The following MTAP variants were observed in gnomAD, a reference collection of about 807,000 sequenced individuals.
MTAP encodes the protein S-methyl-5'-thioadenosine phosphorylase.
A neutral mutation model predicts 33.6 loss-of-function variants in MTAP; 33 were observed. The observed-to-expected ratio is 0.98, with a 90% CI of 0.74 to 1.31. The LOEUF is 1.31. Among genes scored for constraint, MTAP ranks in the 40% most tolerant of loss-of-function variants. The pLI is 0.00. For missense variants in MTAP, 367 were observed against 360.0 expected, an observed-to-expected ratio of 1.02 and a Z score of -0.16; for synonymous variants, 148 against 125.7, an observed-to-expected ratio of 1.18 and a Z score of -1.19.
chr9:21,930,805 A>G, intron 1 of MTAP: 1 of 701,858 alleles, frequency 1.4e-6, no homozygotes, highest in South Asian at 1.7e-5. Context: ...GTACAAAACA[A>G]CATCAGACAA....
intron 5 of MTAP, among the ~76,000 whole-genome samples, chr9:21,843,001 A>G (rs941513307): frequency 2.6e-5 from 4 of 152,234 alleles, no homozygotes; most frequent in Non-Finnish European, 4.4e-5. Flanking sequence ...CCAACTAAGT[A>G]TCTGCAGTCT....
chr9:21,901,652 T>TA (rs1301838857), intron 1 of MTAP, among the ~76,000 whole-genome samples: 5 of 152,172 alleles, frequency 3.3e-5, no homozygotes, highest in Admixed American at 2.0e-4. Context: ...ATGGAGTTTT[T>TA]AAAAAAGGTT....
intron 1 of MTAP, among the ~76,000 whole-genome samples, chr9:21,888,642 G>A (rs1442813434): frequency 8.6e-6 from 1 of 116,162 alleles, no homozygotes; most frequent in East Asian, 3.4e-4. Flanking sequence ...AGCTACTCCT[G>A]CTTGTTTTGG....
downstream of MTAP, chr9:21,932,386 A>G (rs1221926313): frequency 6.6e-6 from 1 of 152,248 alleles, no homozygotes; most frequent in African/African-American, 2.4e-5. Context: ...TAAGGTGTAG[A>G]TATAAACAGT....
downstream of MTAP, among the ~76,000 whole-genome samples, chr9:21,868,554 T>C (rs975397436): frequency 6.6e-5 from 10 of 152,198 alleles, no homozygotes; most frequent in African/African-American, 2.4e-4. Context: ...AACTCATCAG[T>C]TTAGGAGCCT....
intron 1 of MTAP, among the ~76,000 whole-genome samples, chr9:21,907,522 A>G: frequency 6.6e-6 from 1 of 152,242 alleles, no homozygotes; most frequent in East Asian, 1.9e-4. Flanking sequence ...GCACCACTGC[A>G]CTGCAGCCTG....
intron 1 of MTAP, chr9:21,803,077 A>G: frequency 5.4e-6 from 4 of 743,564 alleles, no homozygotes; most frequent in Non-Finnish European, 7.8e-6. Flanking sequence ...TGTAGGGCGT[A>G]GGCACCCCTT....
intron 1 of MTAP, among the ~76,000 whole-genome samples, chr9:21,915,002 T>TCTTTCCTTCCTTCCTC: frequency 5.5e-5 from 1 of 18,214 alleles, no homozygotes; most frequent in South Asian, 3.6e-3. Flanking sequence ...TTGTTTTCTT[T>TCTTTCCTTCCTTCCTC]CCTTCCTTCC....
At chr9:21,825,436 G>T (rs913542107) in intron 4 of MTAP, among the ~76,000 whole-genome samples, 1 of 152,146 alleles carries the variant, frequency 6.6e-6, no homozygotes, top group Non-Finnish European at 1.5e-5. Context: ...TCAGTTTTTT[G>T]GGGAATTTTA....
chr9:21,838,693 A>G (rs1325561340), intron 5 of MTAP, among the ~76,000 whole-genome samples: 1 of 152,248 alleles, frequency 6.6e-6, no homozygotes, highest in East Asian at 1.9e-4. Flanking sequence ...CAGTGGTGGT[A>G]TAAGGGGTGG....
chr9:21,826,248 A>C (rs1824796806), intron 4 of MTAP, among the ~76,000 whole-genome samples: 1 of 151,482 alleles, frequency 6.6e-6, no homozygotes. Context: ...GATATCTAGG[A>C]AGTTCTCTCT....
intron 1 of MTAP, chr9:21,894,002 C>G (rs1397026377): frequency 6.6e-6 from 1 of 151,186 alleles, no homozygotes; most frequent in Non-Finnish European, 1.5e-5. Context: ...AAATACTCAA[C>G]AAAATGCTAG....
exon 2 of MTAP, chr9:21,931,016 G>C (rs777632411): frequency 2.6e-6 from 2 of 763,362 alleles, no homozygotes; most frequent in African/African-American, 3.4e-5. Context: ...AGATGATCAA[G>C]TTCCAGATGA....
rs767340037 is a variant in MTAP, at chr9:21,854,638, T to C, written c.458T>C (p.Ile153Thr). 2.3e-5 allele frequency: 36 copies of C among 1,579,412 alleles called. No individual in the cohort carries two copies. Among genetic ancestry groups the C allele is most frequent in the Non-Finnish European group, 2.8e-5 (33 of 1,164,298 alleles). The change falls in exon 6 of 8, where the codon ATA (isoleucine) becomes ACA (threonine). Residue 153 changes from isoleucine to threonine, a missense_variant. Ile to Thr is a moderately conservative substitution (Grantham distance 89). Coordinates refer to ENST00000644715, the MANE Select transcript of MTAP (RefSeq NM_002451.4). ...PFCPKTREVLIETAKKLGLRC... is the reference protein window; with the variant it reads ...PFCPKTREVLTETAKKLGLRC... ...CTGGTTTTTCTTTTCTAGGTTCTTATAGAGACTGCTAAGAAGCTAGGACTC... is the reference window on the plus strand; with the variant it reads ...CTGGTTTTTCTTTTCTAGGTTCTTACAGAGACTGCTAAGAAGCTAGGACTC...
At chr9:21,933,372 G>A (rs940589253), downstream of MTAP, 6 of 152,240 alleles carry the variant, frequency 3.9e-5, no homozygotes, top group African/African-American at 1.4e-4. Context: ...AGAAAAGAAG[G>A]ACTAAATCAC....
intron 1 of MTAP, among the ~76,000 whole-genome samples, chr9:21,873,233 T>C (rs903903048): frequency 6.6e-6 from 1 of 152,242 alleles, no homozygotes; most frequent in African/African-American, 2.4e-5. Flanking sequence ...GTTTTTTATC[T>C]TATAGTTTGT....
intron 5 of MTAP, among the ~76,000 whole-genome samples, chr9:21,845,387 C>G (rs894891709): frequency 6.6e-6 from 1 of 151,886 alleles, no homozygotes; most frequent in Non-Finnish European, 1.5e-5. Context: ...CAACAGCAAC[C>G]AAGCTGAGAA....
At chr9:21,859,798 C>T in intron 7 of MTAP, 1 of 157,978 alleles carries the variant, frequency 6.3e-6, no homozygotes, top group East Asian at 1.8e-4. Flanking sequence ...AAATTTGTGG[C>T]AATCCTTTAA....
chr9:21,890,680 A>T (rs1208053244), intron 1 of MTAP, among the ~76,000 whole-genome samples: 2 of 151,724 alleles, frequency 1.3e-5, no homozygotes, highest in Admixed American at 6.6e-5. Context: ...ATTCATTTCA[A>T]CTCTAGGTAA....
Sources: gnomAD v4.1 joint callset for allele counts (sites outside exome capture counted in the v4.1 genomes callset) on GRCh38, gnomAD v4.1.1 for gene constraint, MANE v1.5 for transcripts, NCBI Gene and HGNC (gene_info 2026-07-23, HGNC 2026-07-21) for gene names.